The following DSG4 variants were observed in gnomAD, a reference collection of about 807,000 sequenced individuals.
DSG4 encodes the protein desmoglein-4.
DSG4 carries 87 observed loss-of-function variants against 93.1 expected under a neutral mutation model. The observed-to-expected ratio is 0.93, with a 90% CI of 0.79 to 1.12. The LOEUF (loss-of-function observed/expected upper bound fraction) is 1.12, where lower values mean the gene tolerates loss of function less well. Ranked by LOEUF, DSG4 falls within the 50% of genes most tolerant of loss-of-function variation. DSG4 has a pLI of 0.00. For missense variants in DSG4, 1,373 were observed against 1,285.7 expected, an observed-to-expected ratio of 1.07 and a Z score of -1.04; for synonymous variants, 432 against 452.9, an observed-to-expected ratio of 0.95 and a Z score of 0.59.
chr18:31,381,902 C>T (rs889690259), intron 1 of DSG4, among the ~76,000 whole-genome samples: 1 of 151,232 alleles, frequency 6.6e-6, no homozygotes, highest in African/African-American at 2.4e-5. Flanking sequence ...AACTCCTAAC[C>T]TCGTGATCTG....
intron 1 of DSG4, 105 bp downstream of exon 1, chr18:31,377,064 C>A: frequency 1.6e-6 from 2 of 1,243,430 alleles, no homozygotes; most frequent in South Asian, 1.3e-5. Flanking sequence ...TAATCTCCTT[C>A]CTGCAAAGAG....
chr18:31,397,497 A>G (rs1450214828), intron 8 of DSG4, among the ~76,000 whole-genome samples: 1 of 152,190 alleles, frequency 6.6e-6, no homozygotes, highest in Admixed American at 6.5e-5. Flanking sequence ...GCGAAGAATG[A>G]GTAAACAATT....
chr18:31,394,882 C>A (rs1044013846), intron 8 of DSG4, among the ~76,000 whole-genome samples: 6 of 152,088 alleles, frequency 3.9e-5, no homozygotes, highest in African/African-American at 1.4e-4. Flanking sequence ...TACCTATGTT[C>A]TTATCATCTT....
At chr18:31,383,789 G>T (rs910815316) in intron 1 of DSG4, among the ~76,000 whole-genome samples, 1 of 152,092 alleles carries the variant, frequency 6.6e-6, no homozygotes, top group South Asian at 2.1e-4. Context: ...AAATTATCTG[G>T]GGCACTAAAC....
rs756419111 is a variant in DSG4 at position 31,388,435 on chromosome 18, A to G, written c.285A>G (p.Pro95=). 6.2e-7 allele frequency: 1 copy of G among 1,613,568 alleles called. No homozygotes were observed. Among genetic ancestry groups the G allele is most frequent in the East Asian group, 2.2e-5 (1 of 44,854 alleles). Residue 95 remains proline (P), a synonymous_variant, in exon 4 of 16, where the codon CCA becomes CCG. Coordinates refer to ENST00000308128, the MANE Select transcript of DSG4 (RefSeq NM_177986.5). ...YRISGVGIDR[P]PYGVFTINPR... ...TTTCTGGAGTAGGGATTGATCGACC[A>G]CCATATGGGGTATTCACCATTAATC...
In DSG4 at chr18:31,409,685, T is replaced by A. The variant is rs544043217; in HGVS notation, c.2074-60T>A. 62 of 1,613,976 alleles carry A rather than the reference T, an allele frequency of 3.8e-5. No individual in the cohort carries two copies. In the Admixed American group the frequency reaches 9.8e-4, roughly 26 times the overall value. On this transcript the variant is annotated intron_variant, in intron 13 of 15. Coordinates refer to ENST00000308128, the MANE Select transcript of DSG4 (RefSeq NM_177986.5). ...CATGCTGCACAAAAATGAACAGATG[T>A]CAGTTTTTAAATGTTTAACATAAAG... is the stretch of plus-strand genomic sequence containing the variant.
intron 5 of DSG4, 94 bp downstream of exon 5, chr18:31,389,112 C>A: frequency 7.1e-7 from 1 of 1,408,434 alleles, no homozygotes; most frequent in South Asian, 1.2e-5. Flanking sequence ...ATGTAAAGGA[C>A]AGAAAAAGCC....
Position 31,391,533 on chromosome 18 carries a change from G to A in DSG4, c.819+321G>A, listed in dbSNP as rs551937378. On this transcript the variant is annotated intron_variant, in intron 7 of 15. Coordinates refer to ENST00000308128, the MANE Select transcript of DSG4 (RefSeq NM_177986.5). The stretch of plus-strand genomic sequence containing the variant: ...TAGCAACATTAATGTTTTTGTATAT[G>A]CCTCATGATTTGCTGAATGAATTCT... Among the ~76,000 whole-genome samples the A allele has an allele frequency of 3.3e-5, 5 of 152,116 alleles. No individual in the cohort carries two copies. In the South Asian group the frequency reaches 1.0e-3, roughly 32 times the overall value.
intron 12 of DSG4, among the ~76,000 whole-genome samples, chr18:31,408,359 T>C (rs2072450041): frequency 6.6e-6 from 1 of 152,228 alleles, no homozygotes; most frequent in South Asian, 2.1e-4. Context: ...CACAGAAATA[T>C]AGAATAGGCA....
intron 1 of DSG4, among the ~76,000 whole-genome samples, chr18:31,380,034 A>C (rs1026453140): frequency 1.3e-5 from 2 of 152,176 alleles, no homozygotes; most frequent in Non-Finnish European, 2.9e-5. Flanking sequence ...GAATTACTAA[A>C]TGTATTTTAA....
chr18:31,393,137 C>T (rs1226379489), intron 8 of DSG4, among the ~76,000 whole-genome samples: 2 of 151,862 alleles, frequency 1.3e-5, no homozygotes, highest in African/African-American at 2.4e-5. Context: ...TATTTTTTAA[C>T]AAAGGAAATT....
Position 31,411,388 on chromosome 18 carries a change from C to T in DSG4, c.2295C>T (p.Thr765=), listed in dbSNP as rs745428685. Residue 765 remains threonine (T), a synonymous_variant, in exon 15 of 16, where the codon ACC becomes ACT. Coordinates refer to ENST00000308128, the MANE Select transcript of DSG4 (RefSeq NM_177986.5). ...GGAAGAGGAGCTCTACCATGGGAAC[C>T]CTGCGGGACTACGCTGACGCAGACA... ...AARKRSSTMG[T]LRDYADADIN... 13 of 1,614,092 alleles carry T rather than the reference C, an allele frequency of 8.1e-6. No homozygotes were observed. The highest frequency in any genetic ancestry group is 1.1e-5 in the Non-Finnish European group (13 of 1,180,034).
At chr18:31,402,902 TG>T (rs1335727178) in intron 10 of DSG4, among the ~76,000 whole-genome samples, 1 of 152,164 alleles carries the variant, frequency 6.6e-6, no homozygotes, top group Non-Finnish European at 1.5e-5. Context: ...AGAAATAGCA[TG>T]TAACAGATGC....
chr18:31,396,191 T>C (rs182563908), intron 8 of DSG4, among the ~76,000 whole-genome samples: 2 of 152,036 alleles, frequency 1.3e-5, no homozygotes, highest in East Asian at 3.9e-4. Context: ...TGCTACCCAA[T>C]TGGAATTCTA....
At chr18:31,379,970 T>A (rs1258660224) in intron 1 of DSG4, among the ~76,000 whole-genome samples, 1 of 152,200 alleles carries the variant, frequency 6.6e-6, no homozygotes, top group Non-Finnish European at 1.5e-5. Flanking sequence ...CCGCAAAGGT[T>A]ACATCGAAGC....
intron 11 of DSG4, 46 bp downstream of exon 11, chr18:31,403,680 A>T (rs1338247602): frequency 6.4e-7 from 1 of 1,573,318 alleles, no homozygotes; most frequent in South Asian, 1.1e-5. Flanking sequence ...GTCCAAAAGC[A>T]AAACAATTAC....
chr18:31,391,106 G>A lies in DSG4; in HGVS notation c.713G>A (p.Arg238Lys). 1 of 1,613,724 alleles carries A rather than the reference G, an allele frequency of 6.2e-7. No individual in the cohort carries two copies. Among genetic ancestry groups the A allele is most frequent in the African/African-American group, 1.3e-5 (1 of 75,014 alleles). The change falls in exon 7 of 16, where the codon AGA becomes AAA. Residue 238 changes from arginine (R) to lysine (K), a missense_variant. Transcript: ENST00000308128. ...EQHSMYNLVV[R>K]GSDRDGAADG... is the part of the protein sequence containing the mutation. ...CACAGTATGTACAACCTGGTTGTGA[G>A]AGGCTCAGATCGGGATGGAGCTGCA...
chr18:31,401,079 G>A (rs1200498664), intron 10 of DSG4, 59 bp downstream of exon 10: 2 of 1,383,732 alleles, frequency 1.4e-6, no homozygotes, highest in Non-Finnish European at 9.9e-7. Context: ...TAAATATTAT[G>A]TTATTCTAAT....
At chr18:31,400,001 CA>C (rs1414726199) in intron 9 of DSG4, among the ~76,000 whole-genome samples, 1 of 152,028 alleles carries the variant, frequency 6.6e-6, no homozygotes, top group Admixed American at 6.6e-5. Flanking sequence ...AAGCGAAAAA[CA>C]GTGTTTTAGA....
Sources: allele counts gnomAD v4.1 joint callset (sites outside exome capture counted in the v4.1 genomes callset), GRCh38; gene constraint gnomAD v4.1.1; transcripts MANE v1.5; gene names NCBI Gene and HGNC (gene_info 2026-07-23, HGNC 2026-07-21).